The following ZNF275 variants were observed in gnomAD, a reference collection of about 807,000 sequenced individuals.
ZNF275 encodes the protein zinc finger protein 275.
In ZNF275, 4 loss-of-function variants were observed where a neutral mutation model predicts 4.3. That is an observed-to-expected ratio of 0.93 (90% CI 0.46 to 2.13). The LOEUF (loss-of-function observed/expected upper bound fraction) is 2.13. Ranked by LOEUF, ZNF275 falls within the 30% of genes most tolerant of loss-of-function variation. ZNF275 has a pLI of 0.02. For missense variants in ZNF275, 352 were observed against 397.1 expected (o/e 0.89, Z 0.97); for synonymous variants, 173 against 166.9 (o/e 1.04, Z -0.28).
In ZNF275 at chrX:153,347,341, A is replaced by C; in HGVS notation, c.656A>C (p.Lys219Thr). 3 of 1,212,144 alleles carry C rather than the reference A, an allele frequency of 2.5e-6. No individual in the cohort carries two copies. Among genetic ancestry groups the C allele is most frequent in the Non-Finnish European group, 3.4e-6 (3 of 895,508 alleles). ...TGCGAGGAATGCGGGCGGTCGTTCAAAGTCAACACCCACCTCTTCCGACAT... is the reference window on the plus strand; with the variant it reads ...TGCGAGGAATGCGGGCGGTCGTTCACAGTCAACACCCACCTCTTCCGACAT... ...FDCEECGRSF[K>T]VNTHLFRHQK... The change falls in exon 4 of 4, where the codon AAA becomes ACA. Residue 219 changes from lysine (K) to threonine (T), a missense_variant. Coordinates refer to ENST00000650114, the MANE Select transcript of ZNF275 (RefSeq NM_001367757.1).
chrX:153,343,067 G>A (rs1416547477), intron 2 of ZNF275, among the ~76,000 whole-genome samples: 4 of 112,479 alleles, frequency 3.6e-5, no homozygotes, highest in African/African-American at 1.3e-4. Context: ...CTCTTCTCTT[G>A]GGGATCATGA....
At chrX:153,338,251 G>T (rs2088458556) in intron 2 of ZNF275, among the ~76,000 whole-genome samples, 1 of 111,440 alleles carries the variant, frequency 9.0e-6, no homozygotes, top group African/African-American at 3.3e-5. Context: ...TTTTTTTAAT[G>T]ATCTTCCTTT....
Position 153,349,630 on chromosome X carries a change from T to C in ZNF275, c.*1655T>C. 8.1e-6 allele frequency: 1 copy of C among 123,936 alleles called. No individual in the cohort carries two copies. The highest frequency in any genetic ancestry group is 2.8e-4 in the East Asian group (1 of 3,625). 10.2% of individuals were successfully genotyped at this position (123,936 alleles called of 1,213,427 possible). A position where few individuals can be genotyped will look rare whatever the true frequency, so the allele number is the denominator to read the frequency against. On this transcript the variant is annotated 3_prime_UTR_variant, in exon 4 of 4. Transcript: ENST00000650114. ...ATCCAAGCATTCATTTTTTGTCCACTCAGTCATAACTTTCATTGCTTCTGT... is the reference window on the plus strand; with the variant it reads ...ATCCAAGCATTCATTTTTTGTCCACCCAGTCATAACTTTCATTGCTTCTGT...
Position 153,347,938 on chromosome X carries a change from C to T in ZNF275, c.1253C>T (p.Ser418Leu), listed in dbSNP as rs1556961887. Residue 418 changes from serine to leucine, a missense_variant, in exon 4 of 4, where the codon TCG becomes TTG. By Grantham distance (145) the Ser-to-Leu change is moderately radical. Coordinates refer to ENST00000650114, the MANE Select transcript of ZNF275 (RefSeq NM_001367757.1). ...SQCGRVFKRR[S>L]ALQKHQPTHH... ...TGTGGCCGCGTGTTCAAGAGGCGCT[C>T]GGCACTGCAGAAGCATCAGCCAACC... The T allele has an allele frequency of 3.5e-6, 4 of 1,147,737 alleles. No individual in the cohort carries two copies. Among genetic ancestry groups the T allele is most frequent in the South Asian group, 2.1e-5 (1 of 48,153 alleles). 94.6% of individuals were successfully genotyped at this position (1,147,737 alleles called of 1,213,427 possible).
chrX:153,344,110 C>T, intron 2 of ZNF275: 2 of 330,509 alleles, frequency 6.1e-6, no homozygotes, highest in South Asian at 5.2e-5. Flanking sequence ...TGGCCTTTTT[C>T]ACTTTCTTTA....
chrX:153,336,752 G>T, intron 2 of ZNF275, 42 bp downstream of exon 2: 1 of 1,150,397 alleles, frequency 8.7e-7, no homozygotes, highest in Non-Finnish European at 1.2e-6. Context: ...TGGCTTTGAC[G>T]CTGGGCATGC....
intron 2 of ZNF275, among the ~76,000 whole-genome samples, chrX:153,338,239 T>C (rs1378344705): frequency 1.8e-5 from 2 of 112,150 alleles, no homozygotes; most frequent in Non-Finnish European, 3.8e-5. Context: ...TAATGTGTTA[T>C]CTTTTTTTAA....
chrX:153,347,612 C>T lies in ZNF275; in HGVS notation c.927C>T (p.Thr309=), dbSNP rs1556961794. The change falls in exon 4 of 4, where the codon ACC becomes ACT. Residue 309 remains threonine, a synonymous_variant. Transcript: ENST00000650114. ...TCTTCCGAAGGAGCTCGGAGCTCAC[C>T]AAGCACCGGCGGATCCACACGGGCG... The part of the protein sequence containing the change: ...GKLFRRSSEL[T]KHRRIHTGEK... 8.3e-7 allele frequency: 1 copy of T among 1,200,044 alleles called. No homozygotes were observed. Among genetic ancestry groups the T allele is most frequent in the Non-Finnish European group, 1.1e-6 (1 of 890,519 alleles).
At chrX:153,339,235 G>A (rs781947016) in intron 2 of ZNF275, among the ~76,000 whole-genome samples, 3 of 111,810 alleles carry the variant, frequency 2.7e-5, no homozygotes, top group African/African-American at 6.5e-5. Flanking sequence ...GTGCCCCTGC[G>A]CTGTTGGAGC....
At position 153,347,546 on chromosome X, in the gene ZNF275, C is replaced by T. The variant is rs2088526979; in HGVS notation, c.861C>T (p.His287=). The T allele has an allele frequency of 3.4e-6, 4 of 1,187,455 alleles. No individual in the cohort carries two copies. The highest frequency in any genetic ancestry group is 4.5e-6 in the Non-Finnish European group (4 of 884,324). ...VNGLAEHQRI[H]SGAKPYGCPH... ...GGCTGGCCGAGCACCAGCGCATCCA[C>T]AGTGGGGCCAAGCCATACGGGTGTC... is the stretch of plus-strand genomic sequence containing the variant. The change falls in exon 4 of 4, where the codon CAC becomes CAT. Residue 287 remains histidine, a synonymous_variant. Coordinates refer to ENST00000650114, the MANE Select transcript of ZNF275 (RefSeq NM_001367757.1).
chrX:153,343,856 CT>C (rs1334967845), intron 2 of ZNF275, among the ~76,000 whole-genome samples: 5 of 112,210 alleles, frequency 4.5e-5, no homozygotes, highest in Non-Finnish European at 9.4e-5. Flanking sequence ...CTAGGTCTGT[CT>C]TCTCCTAGCT....
Position 153,350,460 on chromosome X carries a change from C to A in ZNF275, c.*2485C>A. ...AGCTACCATTTCCAGTGGGCTCCCC[C>A]AAGAGGAACAGCAGCAAGGGCTAGC... On this transcript the variant is annotated 3_prime_UTR_variant, in exon 4 of 4. Coordinates refer to ENST00000650114, the MANE Select transcript of ZNF275 (RefSeq NM_001367757.1). The A allele has an allele frequency of 8.1e-6, 1 of 123,983 alleles. No individual in the cohort carries two copies. Among genetic ancestry groups the A allele is most frequent in the African/African-American group, 3.2e-5 (1 of 30,998 alleles). 10.2% of individuals were successfully genotyped at this position (123,983 alleles called of 1,213,427 possible).
chrX:153,347,318 C>T lies in ZNF275; in HGVS notation c.633C>T (p.Cys211=), dbSNP rs782378162. The T allele has an allele frequency of 1.7e-6, 2 of 1,211,871 alleles. No homozygotes were observed. The highest frequency in any genetic ancestry group is 3.0e-5 in the East Asian group (1 of 33,828). Residue 211 remains cysteine (C), a synonymous_variant, in exon 4 of 4, where the codon TGC becomes TGT. Transcript: ENST00000650114. ...ACAGCAGAGAGAAGCCCTTTGATTGCGAGGAATGCGGGCGGTCGTTCAAAG... is the reference window on the plus strand; with the variant it reads ...ACAGCAGAGAGAAGCCCTTTGATTGTGAGGAATGCGGGCGGTCGTTCAAAG... ...RVHSREKPFD[C]EECGRSFKVN... is the part of the protein sequence containing the mutation.
chrX:153,340,537 A>G (rs1418629021), intron 2 of ZNF275, among the ~76,000 whole-genome samples: 1 of 112,634 alleles, frequency 8.9e-6, no homozygotes, highest in Non-Finnish European at 1.9e-5. Context: ...CAGCTTTCTT[A>G]CTCAAAGTCT....
intron 2 of ZNF275, among the ~76,000 whole-genome samples, chrX:153,343,722 A>G (rs1483940067): frequency 1.8e-5 from 2 of 110,923 alleles, no homozygotes; most frequent in African/African-American, 3.3e-5. Context: ...TGTTGCCTCT[A>G]CAAAGTTGGA....
chrX:153,341,939 G>A (rs1423233302), intron 2 of ZNF275, among the ~76,000 whole-genome samples: 1 of 111,585 alleles, frequency 9.0e-6, no homozygotes, highest in East Asian at 2.8e-4. Context: ...GGGGTTGATT[G>A]ACTTTCTTGG....
rs1556960621 is a variant in ZNF275, at chrX:153,336,700, G to A, written c.21G>A (p.Val7=). The change falls in exon 2 of 4, where the codon GTG becomes GTA. Residue 7 remains valine (V), a synonymous_variant. Coordinates refer to ENST00000650114, the MANE Select transcript of ZNF275 (RefSeq NM_001367757.1). MMSHPC[V]SLLGVPVLNP... ...GAGGCATGATGAGTCATCCGTGTGT[G>A]TCTCTTTTGGGTAAGTCTGGGTGTT... 8.6e-7 allele frequency: 1 copy of A among 1,167,698 alleles called. No homozygotes were observed. The highest frequency in any genetic ancestry group is 1.9e-5 in the South Asian group (1 of 52,693).
chrX:153,338,300 A>G (rs1352150194), intron 2 of ZNF275, among the ~76,000 whole-genome samples: 3 of 111,034 alleles, frequency 2.7e-5, no homozygotes, highest in African/African-American at 9.9e-5. Flanking sequence ...TACTTGATTG[A>G]TTAATTATGC....
At chrX:153,342,031 C>G (rs782305677) in intron 2 of ZNF275, among the ~76,000 whole-genome samples, 83 of 112,192 alleles carry the variant, frequency 7.4e-4, no homozygotes, top group Non-Finnish European at 1.3e-3. Flanking sequence ...TCCCTCCCCC[C>G]ACTTTTCCTC....
Sources: gnomAD v4.1 joint callset for allele counts (sites outside exome capture counted in the v4.1 genomes callset) on GRCh38, gnomAD v4.1.1 for gene constraint, MANE v1.5 for transcripts, NCBI Gene and HGNC (gene_info 2026-07-23, HGNC 2026-07-21) for gene names.